RSU1: variants seen among roughly 807,000 people sequenced by gnomAD.
RSU1 encodes Ras suppressor protein 1, also known as rsu-1.
In RSU1, 26 loss-of-function variants were observed where a neutral mutation model predicts 31.1. The ratio of observed to expected loss-of-function variants is 0.84; its 90% CI spans 0.61 to 1.16. The LOEUF is 1.16. Among genes scored for constraint, RSU1 ranks in the 50% most tolerant of loss-of-function variants. The pLI, the probability that RSU1 is intolerant of heterozygous loss-of-function variation, is 0.00. For synonymous variants in RSU1, 164 were observed against 136.3 expected, an observed-to-expected ratio of 1.20 and a Z score of -1.41; for missense variants, 320 against 339.1, an observed-to-expected ratio of 0.94 and a Z score of 0.44.
intron 8 of RSU1, among the ~76,000 whole-genome samples, chr10:16,660,475 C>G (rs867109499): frequency 1.8e-4 from 27 of 152,192 alleles, no homozygotes; most frequent in Admixed American, 1.0e-3. Flanking sequence ...CAATTCTTAA[C>G]TTCTCTCATT....
intron 7 of RSU1, among the ~76,000 whole-genome samples, chr10:16,708,819 T>C (rs1427990296): frequency 6.6e-6 from 1 of 151,984 alleles, no homozygotes; most frequent in African/African-American, 2.4e-5. Flanking sequence ...TATTATCTTT[T>C]TTTTTTTAAG....
At chr10:16,727,195 AC>A in intron 7 of RSU1, 1 of 455,166 alleles carries the variant, frequency 2.2e-6, no homozygotes, top group Non-Finnish European at 4.4e-6. Context: ...GAGTGGACTC[AC>A]CTGGGCGGAA....
chr10:16,736,338 A>G (rs1371338137), intron 7 of RSU1, among the ~76,000 whole-genome samples: 1 of 152,226 alleles, frequency 6.6e-6, no homozygotes, highest in Admixed American at 6.5e-5. Context: ...GAGTTTTCAC[A>G]GAACTAGAAA....
intron 8 of RSU1, among the ~76,000 whole-genome samples, chr10:16,601,866 T>C (rs944089282): frequency 6.6e-6 from 1 of 152,142 alleles, no homozygotes; most frequent in Admixed American, 6.5e-5. Flanking sequence ...CTCAGAGTCC[T>C]ATATCTTTCC....
At chr10:16,630,004 A>T (rs1834222306) in intron 8 of RSU1, among the ~76,000 whole-genome samples, 1 of 152,216 alleles carries the variant, frequency 6.6e-6, no homozygotes, top group Non-Finnish European at 1.5e-5. Flanking sequence ...GACTATTAAA[A>T]AATCCCACGG....
intron 2 of RSU1, among the ~76,000 whole-genome samples, chr10:16,804,510 CACA>C (rs1564363984): frequency 6.6e-6 from 1 of 152,210 alleles, no homozygotes. Flanking sequence ...CAAAAATCTG[CACA>C]ACAATGTTTA....
intron 8 of RSU1, among the ~76,000 whole-genome samples, chr10:16,648,482 C>A (rs11814855): frequency 6.6e-6 from 1 of 152,036 alleles, no homozygotes; most frequent in East Asian, 1.9e-4. Flanking sequence ...AAGTTTGCTA[C>A]GAGCCTCCAC....
In RSU1 at chr10:16,645,890, A is replaced by G. The variant is rs570586954; in HGVS notation, c.731+49133T>C. On this transcript the variant is annotated intron_variant, in intron 8 of 8. Transcript: ENST00000345264. Reference sequence around the variant, plus strand: ...TATATACATATATGTGTATATACATATATGTATATACACATATATGTATAT... The same window carrying G: ...TATATACATATATGTGTATATACATGTATGTATATACACATATATGTATAT... Among the ~76,000 whole-genome samples the G allele has an allele frequency of 5.0e-4, 38 of 75,484 alleles. 10 individuals carry two copies. The highest frequency in any genetic ancestry group is 2.2e-3 in the African/African-American group (38 of 16,998). 49.5% of individuals were successfully genotyped at this position (75,484 alleles called of 152,430 possible). A position where few individuals can be genotyped will look rare whatever the true frequency, so the allele number is the denominator to read the frequency against.
intron 7 of RSU1, among the ~76,000 whole-genome samples, chr10:16,750,039 C>T (rs1247988795): frequency 6.6e-6 from 1 of 152,140 alleles, no homozygotes; most frequent in African/African-American, 2.4e-5. Context: ...CCTCAGTGTC[C>T]TCATCTTTAA....
intron 8 of RSU1, among the ~76,000 whole-genome samples, chr10:16,651,515 T>G (rs535313842): frequency 1.3e-5 from 2 of 152,350 alleles, no homozygotes; most frequent in Admixed American, 1.3e-4. Context: ...TGACAAATGT[T>G]GTAGAAAAGA....
At chr10:16,619,368 A>G (rs1476255288) in intron 8 of RSU1, among the ~76,000 whole-genome samples, 2 of 152,232 alleles carry the variant, frequency 1.3e-5, no homozygotes, top group Non-Finnish European at 2.9e-5. Flanking sequence ...GACATGATCT[A>G]CCATCAATGT....
intron 8 of RSU1, among the ~76,000 whole-genome samples, chr10:16,690,854 G>C (rs1835534965): frequency 2.0e-5 from 3 of 152,260 alleles, no homozygotes; most frequent in Middle Eastern, 3.4e-3. Context: ...GGAGGAGGAG[G>C]TTCATAGGCG....
At position 16,811,027 on chromosome 10, in the gene RSU1, CACAA is replaced by C. The variant is rs373098512; in HGVS notation, c.109+5942_109+5945del. On this transcript the variant is annotated intron_variant, in intron 2 of 8. Coordinates refer to ENST00000345264, the MANE Select transcript of RSU1 (RefSeq NM_012425.4). ...ACAGAGTGAGACCTTGTCTCAAAAA[CACAA>C]ACAAACAATGGACCACAAATATGAC... is the stretch of plus-strand genomic sequence containing the variant. Among the ~76,000 whole-genome samples, 294 of 152,240 alleles carry C rather than the reference CACAA, an allele frequency of 1.9e-3. 6 individuals are homozygous for C. In the East Asian group the frequency reaches 0.046, roughly 24 times the overall value.
At chr10:16,648,133 T>TTTTATTTTTTTTTTA (rs1564299652) in intron 8 of RSU1, among the ~76,000 whole-genome samples, 1 of 111,034 alleles carries the variant, frequency 9.0e-6, no homozygotes, top group African/African-American at 3.1e-5. Flanking sequence ...AAAAAAAAAA[T>TTTTATTTTTTTTTTA]TTTTTTTTTT....
At chr10:16,674,052 G>A (rs1490621837) in intron 8 of RSU1, among the ~76,000 whole-genome samples, 1 of 152,124 alleles carries the variant, frequency 6.6e-6, no homozygotes, top group Non-Finnish European at 1.5e-5. Context: ...TACACACAGA[G>A]GTGTCTGTTA....
At chr10:16,654,361 CAAA>C (rs536600415) in intron 8 of RSU1, among the ~76,000 whole-genome samples, 264 of 92,248 alleles carry the variant, frequency 2.9e-3, no homozygotes, top group African/African-American at 7.5e-3. Flanking sequence ...CCTAAATTTG[CAAA>C]AAAAAAAAAA....
At chr10:16,737,523 G>A (rs1288075286) in intron 7 of RSU1, among the ~76,000 whole-genome samples, 2 of 151,500 alleles carry the variant, frequency 1.3e-5, no homozygotes, top group South Asian at 2.1e-4. Flanking sequence ...TCCAAAAACT[G>A]AAAACAAAAT....
chr10:16,742,351 T>A (rs933897095), intron 7 of RSU1, among the ~76,000 whole-genome samples: 19 of 152,140 alleles, frequency 1.2e-4, no homozygotes, highest in Admixed American at 1.2e-3. Context: ...AGATTTCAGG[T>A]GTTGACAACA....
At chr10:16,770,484 A>C (rs1837402884) in intron 3 of RSU1, among the ~76,000 whole-genome samples, 1 of 151,948 alleles carries the variant, frequency 6.6e-6, no homozygotes, top group African/African-American at 2.4e-5. Flanking sequence ...TCTGGAGGTG[A>C]CCTCCACCCA....
Sources: allele counts gnomAD v4.1 joint callset (sites outside exome capture counted in the v4.1 genomes callset), GRCh38; gene constraint gnomAD v4.1.1; transcripts MANE v1.5; gene names NCBI Gene and HGNC (gene_info 2026-07-23, HGNC 2026-07-21).